AATK: variants seen among roughly 807,000 people sequenced by gnomAD.
AATK encodes the protein lemur tail kinase 1, also known as serine/threonine-protein kinase LMTK1.
A neutral mutation model predicts 114.3 loss-of-function variants in AATK; 91 were observed. The observed-to-expected ratio is 0.80, with a 90% confidence interval of 0.67 to 0.95. AATK has a LOEUF of 0.95. AATK is among the 40% of genes least tolerant of loss of function. AATK has a pLI of 0.00. For missense variants in AATK, 2,176 were observed against 1,965.2 expected, an observed-to-expected ratio of 1.11 and a Z score of -2.03; for synonymous variants, 1,075 against 916.5, an observed-to-expected ratio of 1.17 and a Z score of -3.12.
At chr17:81,127,222 C>T (rs1421083073) in intron 6 of AATK, among the ~76,000 whole-genome samples, 1 of 151,974 alleles carries the variant, frequency 6.6e-6, no homozygotes, top group Non-Finnish European at 1.5e-5. Context: ...CCCCCCATGG[C>T]AAAAGCAAGC....
chr17:81,131,024 G>T, intron 3 of AATK, 37 bp downstream of exon 3: 1 of 1,539,888 alleles, frequency 6.5e-7, no homozygotes. Flanking sequence ...CCTGGGCCCC[G>T]GAGGGAGGCC....
Position 81,118,082 on chromosome 17 carries a change from C to A in AATK, c.*320G>T. The A allele has an allele frequency of 3.3e-6, 1 of 299,308 alleles. No individual in the cohort carries two copies. Among genetic ancestry groups the A allele is most frequent in the South Asian group, 7.4e-5 (1 of 13,500 alleles). The allele number at this position is 299,308 out of a possible 1,614,324, so 18.5% of individuals were successfully genotyped here. Reference sequence around the variant, plus strand: ...AGGCAGGCAGGGCAGAGGGTGGGGGCCGCCGTGCCCAGGGGCACTGGCCCC... The same window carrying A: ...AGGCAGGCAGGGCAGAGGGTGGGGGACGCCGTGCCCAGGGGCACTGGCCCC... On this transcript the variant is annotated 3_prime_UTR_variant, in exon 14 of 14. Coordinates refer to ENST00000326724, the MANE Select transcript of AATK (RefSeq NM_001080395.3).
In AATK at chr17:81,119,594, C is replaced by T. The variant is rs1198894430; in HGVS notation, c.3884-14G>A. On this transcript the variant is annotated splice_polypyrimidine_tract_variant and intron_variant, in intron 12 of 13. Transcript: ENST00000326724. ...CGAACCCACCACCTGCAGCCCAGGT[C>T]GCGGCGTCACTCGCGCTCACAGCCT... The T allele has an allele frequency of 1.3e-6, 2 of 1,547,886 alleles. No homozygotes were observed. Among genetic ancestry groups the T allele is most frequent in the Non-Finnish European group, 1.7e-6 (2 of 1,148,644 alleles).
chr17:81,123,817 G>A (rs1050976588), intron 9 of AATK, among the ~76,000 whole-genome samples: 3 of 151,746 alleles, frequency 2.0e-5, no homozygotes, highest in African/African-American at 7.3e-5. Context: ...GGTGCACAGA[G>A]CGTGCAGGCG....
chr17:81,147,134 A>C (rs1281009169), intron 1 of AATK, among the ~76,000 whole-genome samples: 2 of 151,440 alleles, frequency 1.3e-5, no homozygotes, highest in African/African-American at 2.4e-5. Context: ...AGGCCGAGGC[A>C]GACAGATCAC....
At position 81,128,437 on chromosome 17, in the gene AATK, G is replaced by A. The variant is rs573349436; in HGVS notation, c.414+33C>T. 3.9e-6 allele frequency: 6 copies of A among 1,547,642 alleles called. No individual in the cohort carries two copies. The African/African-American group carries it at 8.2e-5, about 21-fold the overall frequency. ...GCCCTGTGTCCCTTCTGCCTCCCAG[G>A]CGGGAGTCCTCCCTCCCAGGCGGGA... On this transcript the variant is annotated intron_variant, in intron 4 of 13. Transcript: ENST00000326724.
intron 13 of AATK, 119 bp downstream of exon 13, chr17:81,119,261 C>CGGAGCGGAGCGGAGCCGGGGCT (rs2060647454): frequency 9.3e-7 from 1 of 1,080,422 alleles, no homozygotes; most frequent in African/African-American, 1.7e-5. Flanking sequence ...CGGGAAGGAG[C>CGGAGCGGAGCGGAGCCGGGGCT]GGAGCGGAGC....
At position 81,166,103 on chromosome 17, in the gene AATK, C is replaced by CA; in HGVS notation, c.-112_-111insT. On this transcript the variant is annotated 5_prime_UTR_variant, in exon 1 of 14. Transcript: ENST00000326724. ...GCGGCCGCCGCAGGTGCGGAGCGCGCCGGCCCCCGCGCCCCGCGCCCCCCG... is the reference window on the plus strand; with the variant it reads ...GCGGCCGCCGCAGGTGCGGAGCGCGCACGGCCCCCGCGCCCCGCGCCCCCCG... 8 of 577,338 alleles carry CA rather than the reference C, an allele frequency of 1.4e-5. No individual in the cohort carries two copies. Among genetic ancestry groups the CA allele is most frequent in the African/African-American group, 2.1e-5 (1 of 48,674 alleles). 35.8% of individuals were successfully genotyped at this position (577,338 alleles called of 1,614,324 possible).
In AATK at chr17:81,122,098, G is replaced by A. The variant is rs753408863; in HGVS notation, c.1838C>T (p.Ser613Leu). ...CTCCGCCAGACTCAGGGGCCCCGCC[G>A]AGGGCGAGGGAGAGCGTGAGGGGCA... ...PLCPSRSPSP[S>L]AGPLSLAEGG... The change falls in exon 11 of 14, where the codon TCG (serine) becomes TTG (leucine). Residue 613 changes from serine to leucine, a missense_variant. Coordinates refer to ENST00000326724, the MANE Select transcript of AATK (RefSeq NM_001080395.3). 4 of 1,570,658 alleles carry A rather than the reference G, an allele frequency of 2.5e-6. No homozygotes were observed. Among genetic ancestry groups the A allele is most frequent in the East Asian group, 2.3e-5 (1 of 43,424 alleles).
Position 81,151,466 on chromosome 17 carries a change from G to A in AATK, c.55+14472C>T, listed in dbSNP as rs547078883. On this transcript the variant is annotated intron_variant, in intron 1 of 13. Transcript: ENST00000326724. ...ACACACTTGTGGCTCAGACGCATCC[G>A]AGGGGCAGCAGGCCACCTGACGCCA... 1.8e-4 allele frequency among the ~76,000 whole-genome samples: 27 copies of A among 152,196 alleles called. 1 individual carries two copies. The highest frequency in any genetic ancestry group is 1.8e-3 in the Admixed American group (27 of 15,280).
intron 1 of AATK, among the ~76,000 whole-genome samples, chr17:81,156,870 A>G (rs2061373137): frequency 6.6e-6 from 1 of 152,144 alleles, no homozygotes; most frequent in Non-Finnish European, 1.5e-5. Flanking sequence ...CTCGGCCCTG[A>G]TCGCCAGTCA....
In AATK at chr17:81,119,998, G is replaced by A; in HGVS notation, c.3821C>T (p.Pro1274Leu). The change falls in exon 12 of 14, where the codon CCC (proline) becomes CTC (leucine). Residue 1274 changes from proline (P) to leucine (L), a missense_variant. Pro to Leu is a moderately conservative substitution (Grantham distance 98, BLOSUM62 -3). Transcript: ENST00000326724. The stretch of plus-strand genomic sequence containing the variant: ...CTGCTGCGGCCGGTTGGGGGCGCTG[G>A]GAGAGCCGGGGCTCCCCCTAAGGAA... ...PTFLRGSPGS[P>L]SAPNRPQQAD... is the part of the protein sequence containing the mutation. 5 of 1,447,366 alleles carry A rather than the reference G, an allele frequency of 3.5e-6. No individual in the cohort carries two copies. In the South Asian group the frequency reaches 7.1e-5, roughly 21 times the overall value. The allele number at this position is 1,447,366 out of a possible 1,614,324, so 89.7% of individuals were successfully genotyped here. A position where few individuals can be genotyped will look rare whatever the true frequency, so the allele number is the denominator to read the frequency against.
chr17:81,157,210 G>A (rs2061377233), intron 1 of AATK, among the ~76,000 whole-genome samples: 1 of 152,226 alleles, frequency 6.6e-6, no homozygotes, highest in East Asian at 1.9e-4. Context: ...ATGCAGGCCA[G>A]CCACGGTTAT....
intron 1 of AATK, among the ~76,000 whole-genome samples, chr17:81,143,918 T>C (rs946456578): frequency 4.6e-5 from 7 of 152,088 alleles, no homozygotes; most frequent in African/African-American, 1.4e-4. Flanking sequence ...GTTCCAAGGC[T>C]CCCAGCCATT....
Position 81,119,423 on chromosome 17 carries a change from G to A in AATK, c.4041C>T (p.Phe1347=), listed in dbSNP as rs754899142. 3.3e-6 allele frequency: 5 copies of A among 1,537,508 alleles called. No individual in the cohort carries two copies. Among genetic ancestry groups the A allele is most frequent in the Admixed American group, 2.1e-5 (1 of 47,918 alleles). Reference sequence around the variant, plus strand: ...CCGAGTCAGACACGTGCGTGATGGAGAAGCGGGACGTGGGCGCGGGCGACA... The same window carrying A: ...CCGAGTCAGACACGTGCGTGATGGAAAAGCGGGACGTGGGCGCGGGCGACA... ...FTVSPAPTSR[F]SITHVSDSDA... The change falls in exon 13 of 14, where the codon TTC becomes TTT. Residue 1347 remains phenylalanine, a synonymous_variant. Transcript: ENST00000326724.
chr17:81,121,269 G>T lies in AATK; in HGVS notation c.2667C>A (p.Ala889=). ...LQARRPDVVP[A]FRSLQKQVGT... ...CCACCTGCTTCTGCAGAGAGCGGAA[G>T]GCTGGCACCACATCCGGCCTCCTGG... Residue 889 remains alanine (A), a synonymous_variant, in exon 11 of 14, where the codon GCC becomes GCA. Transcript: ENST00000326724. 1.2e-6 allele frequency: 2 copies of T among 1,611,146 alleles called. No individual in the cohort carries two copies. Among genetic ancestry groups the T allele is most frequent in the Middle Eastern group, 1.7e-4 (1 of 6,052 alleles).
intron 1 of AATK, among the ~76,000 whole-genome samples, chr17:81,157,897 C>T (rs1290669340): frequency 2.0e-5 from 3 of 152,234 alleles, no homozygotes; most frequent in Non-Finnish European, 4.4e-5. Flanking sequence ...CTCGGTCCCG[C>T]TCTTCGTGGG....
intron 7 of AATK, chr17:81,125,325 G>C (rs146763174): frequency 4.1e-5 from 29 of 715,570 alleles, no homozygotes; most frequent in African/African-American, 3.1e-4. Context: ...GAACCCACCC[G>C]GACCGGTCCA....
rs538425310 is a variant in AATK at position 81,118,248 on chromosome 17, G to A, written c.*154C>T. On this transcript the variant is annotated 3_prime_UTR_variant, in exon 14 of 14. Coordinates refer to ENST00000326724, the MANE Select transcript of AATK (RefSeq NM_001080395.3). ...TACCATCCAGGGCCTCTCATCCCAC[G>A]GGCTTCTCCAGGACACCGCGTGGGG... 6.1e-5 allele frequency: 43 copies of A among 701,944 alleles called. No individual in the cohort carries two copies. Among genetic ancestry groups the A allele is most frequent in the African/African-American group, 7.2e-5 (4 of 55,746 alleles). The allele number at this position is 701,944 out of a possible 1,614,324, so 43.5% of individuals were successfully genotyped here.
Sources: gnomAD v4.1 joint callset for allele counts (sites outside exome capture counted in the v4.1 genomes callset) on GRCh38, gnomAD v4.1.1 for gene constraint, MANE v1.5 for transcripts, NCBI Gene and HGNC (gene_info 2026-07-23, HGNC 2026-07-21) for gene names.